Variants in ARHGAP26 observed in about 807,000 individuals in gnomAD.
The protein encoded by ARHGAP26 is Rho GTPase activating protein 26, also known as rho GTPase-activating protein 26.
A neutral mutation model predicts 104.8 loss-of-function variants in ARHGAP26; 38 were observed. That is an observed-to-expected ratio of 0.36 (90% CI 0.28 to 0.48). The LOEUF is 0.48. Ranked by LOEUF, ARHGAP26 falls within the 20% of genes least tolerant of loss-of-function variation. The probability of loss-of-function intolerance (pLI) is 0.99; values close to 1 mark genes in which losing one functional copy is unlikely to be tolerated. For missense variants in ARHGAP26, 704 were observed against 947.9 expected (o/e 0.74, Z 3.38); for synonymous variants, 341 against 340.0 (o/e 1.00, Z -0.03).
chr5:143,121,205 A>C lies in ARHGAP26; in HGVS notation c.1698+58A>C, dbSNP rs1388563795. 22 of 1,557,738 alleles carry C rather than the reference A, an allele frequency of 1.4e-5. No homozygotes were observed. In the Middle Eastern group the frequency reaches 5.2e-4, roughly 37 times the overall value. The stretch of plus-strand genomic sequence containing the variant: ...TGTACCTGGGGGGAAGCTGCATTGG[A>C]ATTGACCTTCAGAGTTGGCTCAGAT... On this transcript the variant is annotated intron_variant, in intron 18 of 22. Transcript: ENST00000645722.
At chr5:143,080,327 T>C (rs1323424040) in intron 17 of ARHGAP26, among the ~76,000 whole-genome samples, 1 of 152,222 alleles carries the variant, frequency 6.6e-6, no homozygotes, top group African/African-American at 2.4e-5. Context: ...AATACAGTGG[T>C]AAATTTTTTT....
At chr5:143,029,401 T>G (rs900347517) in intron 12 of ARHGAP26, among the ~76,000 whole-genome samples, 5 of 111,526 alleles carry the variant, frequency 4.5e-5, no homozygotes, top group Non-Finnish European at 8.3e-5. Context: ...AGTTTTTTTT[T>G]TTTTTTTTTT....
At chr5:142,771,500 C>G in intron 1 of ARHGAP26, 1 of 1,012,236 alleles carries the variant, frequency 9.9e-7, no homozygotes, top group Non-Finnish European at 1.3e-6. Context: ...ATCTCTAAAT[C>G]TGGAATCAGT....
chr5:142,823,851 G>A (rs549869628), intron 1 of ARHGAP26, among the ~76,000 whole-genome samples: 7 of 152,236 alleles, frequency 4.6e-5, no homozygotes, highest in African/African-American at 7.2e-5. Flanking sequence ...CCACTGCTTT[G>A]GGTAAAATGA....
chr5:143,104,273 G>T (rs1793680594), intron 17 of ARHGAP26, among the ~76,000 whole-genome samples: 1 of 152,150 alleles, frequency 6.6e-6, no homozygotes, highest in Non-Finnish European at 1.5e-5. Flanking sequence ...ACTCTGGGAA[G>T]CCGAAGCAGG....
intron 14 of ARHGAP26, among the ~76,000 whole-genome samples, chr5:143,042,801 C>G (rs1783672402): frequency 6.6e-6 from 1 of 152,196 alleles, no homozygotes; most frequent in African/African-American, 2.4e-5. Flanking sequence ...GCCAGAATGA[C>G]TGTCTTCACC....
intron 1 of ARHGAP26, among the ~76,000 whole-genome samples, chr5:142,870,619 A>G (rs571262377): frequency 6.6e-6 from 1 of 152,354 alleles, no homozygotes; most frequent in African/African-American, 2.4e-5. Context: ...TGAGGAAAGA[A>G]TAGCCCAGCT....
At chr5:142,914,080 A>AT (rs1472133257) in intron 10 of ARHGAP26, among the ~76,000 whole-genome samples, 1 of 152,158 alleles carries the variant, frequency 6.6e-6, no homozygotes, top group African/African-American at 2.4e-5. Context: ...TCTTCCTTTT[A>AT]TTAAAAAAAC....
In ARHGAP26 at chr5:143,212,920, C is replaced by T. The variant is rs375254690; in HGVS notation, c.2100-1077C>T. On this transcript the variant is annotated intron_variant, in intron 21 of 22. Transcript: ENST00000645722. Reference sequence around the variant, plus strand: ...CAGCACTTTGGGAGGCTGAGGCAGGCGGATCACGAGGTCAGGAGATTGAGA... The same window carrying T: ...CAGCACTTTGGGAGGCTGAGGCAGGTGGATCACGAGGTCAGGAGATTGAGA... 1.4e-3 allele frequency among the ~76,000 whole-genome samples: 210 copies of T among 152,170 alleles called. 3 individuals carry two copies. The highest frequency in any genetic ancestry group is 4.8e-3 in the African/African-American group (200 of 41,534).
chr5:142,986,675 G>A (rs1001414847), intron 11 of ARHGAP26, among the ~76,000 whole-genome samples: 3 of 152,022 alleles, frequency 2.0e-5, no homozygotes, highest in Non-Finnish European at 4.4e-5. Context: ...TTGAATTAAT[G>A]TTTGTATAAG....
At chr5:142,951,848 C>T (rs1768432983) in intron 11 of ARHGAP26, among the ~76,000 whole-genome samples, 1 of 152,192 alleles carries the variant, frequency 6.6e-6, no homozygotes, top group South Asian at 2.1e-4. Flanking sequence ...CTAGAGTTAC[C>T]ATCACAACTT....
chr5:143,222,511 C>A lies in ARHGAP26; in HGVS notation c.*65C>A. On this transcript the variant is annotated 3_prime_UTR_variant, in exon 23 of 23. Transcript: ENST00000645722. ...CCATGACAACTGCTGATTCCAGTGT[C>A]GAGGCCATTTCTCTTTGCCACTGAG... 7.5e-7 allele frequency: 1 copy of A among 1,327,064 alleles called. No homozygotes were observed. Among genetic ancestry groups the A allele is most frequent in the Non-Finnish European group, 1.0e-6 (1 of 974,030 alleles). The allele number at this position is 1,327,064 out of a possible 1,614,324, so 82.2% of individuals were successfully genotyped here. A position where few individuals can be genotyped will look rare whatever the true frequency, so the allele number is the denominator to read the frequency against.
intron 6 of ARHGAP26, among the ~76,000 whole-genome samples, chr5:142,895,086 C>T (rs1288982738): frequency 1.3e-5 from 2 of 152,174 alleles, no homozygotes; most frequent in African/African-American, 4.8e-5. Context: ...CATGGAAACA[C>T]CAAAATAGTA....
intron 1 of ARHGAP26, among the ~76,000 whole-genome samples, chr5:142,806,473 ATGTGTG>A (rs34179083): frequency 0.03 from 4,419 of 147,716 alleles, 121 homozygotes; most frequent in African/African-American, 0.073. Flanking sequence ...AGGCAATGAA[ATGTGTG>A]TGTGTGTGTG....
chr5:143,193,430 G>C (rs1806273362), intron 20 of ARHGAP26, among the ~76,000 whole-genome samples: 1 of 151,788 alleles, frequency 6.6e-6, no homozygotes, highest in Non-Finnish European at 1.5e-5. Flanking sequence ...TGTATTTTTA[G>C]TAAAGGTGGG....
intron 1 of ARHGAP26, among the ~76,000 whole-genome samples, chr5:142,823,072 A>G (rs1766506899): frequency 6.6e-6 from 1 of 152,238 alleles, no homozygotes; most frequent in African/African-American, 2.4e-5. Context: ...CAATAACCTT[A>G]TAGGGCAAGG....
chr5:143,172,234 G>A (rs554028985), intron 20 of ARHGAP26, among the ~76,000 whole-genome samples: 1 of 152,220 alleles, frequency 6.6e-6, no homozygotes, highest in South Asian at 2.1e-4. Flanking sequence ...GGTATCTGGT[G>A]GCAACTGTCC....
At chr5:142,820,210 AG>A (rs1413089336) in intron 1 of ARHGAP26, among the ~76,000 whole-genome samples, 2 of 152,196 alleles carry the variant, frequency 1.3e-5, no homozygotes, top group African/African-American at 4.8e-5. Flanking sequence ...GCTTATCAAG[AG>A]TTTCAGGAGA....
intron 1 of ARHGAP26, among the ~76,000 whole-genome samples, chr5:142,782,995 A>G (rs1597596763): frequency 6.6e-6 from 1 of 152,276 alleles, no homozygotes; most frequent in African/African-American, 2.4e-5. Flanking sequence ...CGAATTTCCT[A>G]TACCCCCGCC....
Sources: allele counts gnomAD v4.1 joint callset (sites outside exome capture counted in the v4.1 genomes callset), GRCh38; gene constraint gnomAD v4.1.1; transcripts MANE v1.5; gene names NCBI Gene and HGNC (gene_info 2026-07-23, HGNC 2026-07-21).